Variants in AGK observed in about 807,000 individuals in gnomAD.
AGK encodes the protein acylglycerol kinase.
Under a neutral mutation model 66.4 loss-of-function variants are expected in AGK, and 52 were observed. The ratio of observed to expected loss-of-function variants is 0.78; its 90% CI spans 0.63 to 0.99. The LOEUF is 0.99. Ranked by LOEUF, AGK falls within the 50% of genes least tolerant of loss-of-function variation. AGK has a pLI of 0.00. For missense variants in AGK, 451 were observed against 506.6 expected, an observed-to-expected ratio of 0.89 and a Z score of 1.05; for synonymous variants, 182 against 181.1, an observed-to-expected ratio of 1.00 and a Z score of -0.04.
chr7:141,577,415 C>T (rs772600142), intron 2 of AGK, among the ~76,000 whole-genome samples: 1 of 152,202 alleles, frequency 6.6e-6, no homozygotes, highest in Non-Finnish European at 1.5e-5. Flanking sequence ...GACCTAGAAC[C>T]ACCCCCCAGT....
chr7:141,573,571 T>C (rs1795662735), intron 2 of AGK, among the ~76,000 whole-genome samples: 1 of 152,216 alleles, frequency 6.6e-6, no homozygotes. Context: ...AGGTAGTAAC[T>C]GACATCTCAA....
chr7:141,553,133 C>T (rs768307234), intron 1 of AGK, among the ~76,000 whole-genome samples: 12 of 152,126 alleles, frequency 7.9e-5, no homozygotes, highest in African/African-American at 2.4e-4. Flanking sequence ...CTCTCTTCCT[C>T]GGTTTGTAGA....
chr7:141,636,851 C>A, intron 10 of AGK, 109 bp from the exon 11 acceptor site: 1 of 814,776 alleles, frequency 1.2e-6, no homozygotes, highest in Non-Finnish European at 1.9e-6. Flanking sequence ...CCAGAATAGC[C>A]ACTCATAGCA....
At chr7:141,605,519 A>G (rs1796438874) in intron 5 of AGK, among the ~76,000 whole-genome samples, 1 of 152,138 alleles carries the variant, frequency 6.6e-6, no homozygotes, top group South Asian at 2.1e-4. Context: ...CTAGTTTTAT[A>G]TTTAGTGTTC....
intron 2 of AGK, among the ~76,000 whole-genome samples, chr7:141,574,950 T>C (rs1374598332): frequency 6.6e-6 from 1 of 152,184 alleles, no homozygotes; most frequent in Non-Finnish European, 1.5e-5. Context: ...TTAGGTTATT[T>C]TAGGTGAGGC....
chr7:141,573,216 TTAAA>T (rs1445541844), intron 2 of AGK, among the ~76,000 whole-genome samples: 1 of 152,196 alleles, frequency 6.6e-6, no homozygotes, highest in African/African-American at 2.4e-5. Context: ...TTATGGGCAA[TTAAA>T]TAACATGCCT....
At position 141,654,418 on chromosome 7, in the gene AGK, G is replaced by GTTCT. The variant is rs1217562406; in HGVS notation, c.*1497_*1500dup. The GTTCT allele has an allele frequency of 6.6e-6, 1 of 152,138 alleles. No homozygotes were observed. Among genetic ancestry groups the GTTCT allele is most frequent in the Admixed American group, 6.6e-5 (1 of 15,266 alleles). The allele number at this position is 152,138 out of a possible 1,614,324, so 9.4% of individuals were successfully genotyped here. The stretch of plus-strand genomic sequence containing the variant: ...GAATTACGTTAACAATGTTTTTACA[G>GTTCT]TTCTTTGGATTCCTTTGGCATTTTG... On this transcript the variant is annotated 3_prime_UTR_variant, in exon 16 of 16. Transcript: ENST00000649286.
At chr7:141,599,549 T>C (rs1308824176) in intron 4 of AGK, among the ~76,000 whole-genome samples, 4 of 152,178 alleles carry the variant, frequency 2.6e-5, no homozygotes, top group African/African-American at 9.6e-5. Context: ...TCTAACCTGA[T>C]TTCTTAAACT....
intron 2 of AGK, among the ~76,000 whole-genome samples, chr7:141,589,394 A>G (rs1287232153): frequency 6.6e-6 from 1 of 152,086 alleles, no homozygotes; most frequent in Non-Finnish European, 1.5e-5. Flanking sequence ...ATATTTTTGG[A>G]ATTTCTTTGC....
At chr7:141,593,703 TATA>T (rs1796170274) in intron 3 of AGK, 1 of 250,040 alleles carries the variant, frequency 4.0e-6, no homozygotes, top group Non-Finnish European at 7.6e-6. Flanking sequence ...ATAGCTGGAT[TATA>T]ATATTTGTCC....
At chr7:141,646,946 C>T (rs1001660840) in intron 13 of AGK, among the ~76,000 whole-genome samples, 1 of 152,316 alleles carries the variant, frequency 6.6e-6, no homozygotes, top group East Asian at 1.9e-4. Context: ...GCCTTTCCCA[C>T]AGTCTTTAAG....
At position 141,614,161 on chromosome 7, in the gene AGK, C is replaced by T. The variant is rs1796656121; in HGVS notation, c.406C>T (p.Leu136Phe). 6.5e-7 allele frequency: 1 copy of T among 1,537,810 alleles called. No homozygotes were observed. Among genetic ancestry groups the T allele is most frequent in the African/African-American group, 1.4e-5 (1 of 71,302 alleles). The change falls in exon 7 of 16, where the codon CTT becomes TTT. Residue 136 changes from leucine (L) to phenylalanine (F), a missense_variant. Physicochemically the swap from Leu to Phe is conservative, Grantham distance 22. Coordinates refer to ENST00000649286, the MANE Select transcript of AGK (RefSeq NM_018238.4). ...ACATTTGTAGGTTGTTACTGGTGTT[C>T]TTCGACGAACAGATGAGGTGAGCAT... ...GTLQEVVTGV[L>F]RRTDEATFSK... is the part of the protein sequence containing the mutation.
intron 8 of AGK, among the ~76,000 whole-genome samples, chr7:141,617,759 C>A (rs1796740468): frequency 6.6e-6 from 1 of 152,122 alleles, no homozygotes; most frequent in Non-Finnish European, 1.5e-5. Context: ...TGAGTTACAA[C>A]AATTTTTTTT....
intron 2 of AGK, among the ~76,000 whole-genome samples, chr7:141,560,795 C>CTTTT (rs71172604): frequency 4.4e-4 from 54 of 123,988 alleles, no homozygotes; most frequent in Non-Finnish European, 5.1e-4. Flanking sequence ...GCCATTCTTT[C>CTTTT]TTTTTTTTTT....
At chr7:141,578,576 G>A (rs1486035846) in intron 2 of AGK, among the ~76,000 whole-genome samples, 2 of 151,810 alleles carry the variant, frequency 1.3e-5, no homozygotes, top group Non-Finnish European at 2.9e-5. Context: ...GATAATGGGC[G>A]ATGTTTCTCA....
chr7:141,580,346 GC>G (rs1795855353), intron 2 of AGK, among the ~76,000 whole-genome samples: 1 of 151,896 alleles, frequency 6.6e-6, no homozygotes, highest in South Asian at 2.1e-4. Flanking sequence ...TGGCAATTAG[GC>G]CTGGTAGAAC....
chr7:141,581,199 GCAGTACAGCC>G (rs1413637173), intron 2 of AGK, among the ~76,000 whole-genome samples: 18 of 152,078 alleles, frequency 1.2e-4, no homozygotes, highest in Admixed American at 1.0e-3. Flanking sequence ...AAGTCTTGCG[GCAGTACAGCC>G]CAGGTAATTT....
chr7:141,655,138 T>C lies in AGK; in HGVS notation c.*2214T>C, dbSNP rs1358721009. ...TAGGCTACCAGTGTGTGTTTATGTG[T>C]GCTCATTTTGTGGTTCTAATCATAA... On this transcript the variant is annotated 3_prime_UTR_variant, in exon 16 of 16. Coordinates refer to ENST00000649286, the MANE Select transcript of AGK (RefSeq NM_018238.4). 2 of 152,240 alleles carry C rather than the reference T, an allele frequency of 1.3e-5. No homozygotes were observed. Among genetic ancestry groups the C allele is most frequent in the African/African-American group, 4.8e-5 (2 of 41,462 alleles). The allele number at this position is 152,240 out of a possible 1,614,324, so 9.4% of individuals were successfully genotyped here.
intron 2 of AGK, among the ~76,000 whole-genome samples, chr7:141,588,401 C>T (rs542007097): frequency 4.6e-5 from 7 of 152,110 alleles, no homozygotes; most frequent in East Asian, 3.9e-4. Flanking sequence ...ACAAGGCAGG[C>T]GGATCATGAG....
Sources: allele counts gnomAD v4.1 joint callset (sites outside exome capture counted in the v4.1 genomes callset), GRCh38; gene constraint gnomAD v4.1.1; transcripts MANE v1.5; gene names NCBI Gene and HGNC (gene_info 2026-07-23, HGNC 2026-07-21).